Variants in PLCZ1 observed in about 807,000 individuals in gnomAD.
The protein encoded by PLCZ1 is 1-phosphatidylinositol 4,5-bisphosphate phosphodiesterase zeta-1.
A neutral mutation model predicts 76.8 loss-of-function variants in PLCZ1; 64 were observed. The observed-to-expected ratio is 0.83, with a 90% CI of 0.68 to 1.03. PLCZ1 has a LOEUF of 1.03. PLCZ1 is among the 50% of genes least tolerant of loss of function. The pLI, the probability that PLCZ1 is intolerant of heterozygous loss-of-function variation, is 0.00. For missense variants in PLCZ1, 751 were observed against 713.7 expected (o/e 1.05, Z -0.60); for synonymous variants, 248 against 230.8 (o/e 1.07, Z -0.68).
At chr12:18,723,645 A>G (rs965125070) in intron 3 of PLCZ1, 103 bp from the exon 4 acceptor site, 2 of 931,260 alleles carry the variant, frequency 2.1e-6, no homozygotes, top group Non-Finnish European at 3.3e-6. Context: ...ACTTGAAAGA[A>G]GATGAAAATT....
chr12:18,694,153 G>A, intron 12 of PLCZ1: 4 of 760,262 alleles, frequency 5.3e-6, no homozygotes, highest in East Asian at 2.6e-5. Flanking sequence ...GTCCCTGAAA[G>A]GGATGAGGCT....
At chr12:18,684,390 T>G (rs148441351) in intron 13 of PLCZ1, 111 bp from the exon 14 acceptor site, 194 of 1,025,420 alleles carry the variant, frequency 1.9e-4, no homozygotes, top group Non-Finnish European at 2.6e-4. Flanking sequence ...CAATAATATC[T>G]TGTGTTTAGA....
intron 5 of PLCZ1, among the ~76,000 whole-genome samples, chr12:18,718,298 C>T (rs1276031631): frequency 2.6e-5 from 4 of 152,172 alleles, no homozygotes; most frequent in Non-Finnish European, 5.9e-5. Context: ...ACCTGCACTG[C>T]TACACCATCT....
the PLCZ1 span, among the ~76,000 whole-genome samples, chr12:18,651,609 A>G: frequency 6.6e-6 from 1 of 152,012 alleles, no homozygotes; most frequent in Non-Finnish European, 1.5e-5. Context: ...ACTCAGAAAC[A>G]CCCAAAGCCC....
chr12:18,725,722 T>C (rs1958715133), intron 3 of PLCZ1, among the ~76,000 whole-genome samples: 1 of 152,172 alleles, frequency 6.6e-6, no homozygotes, highest in Non-Finnish European at 1.5e-5. Flanking sequence ...CTGAATTAGT[T>C]GCAGTACAGG....
At chr12:18,726,577 T>C (rs1958762304) in intron 3 of PLCZ1, among the ~76,000 whole-genome samples, 1 of 152,126 alleles carries the variant, frequency 6.6e-6, no homozygotes, top group South Asian at 2.1e-4. Context: ...TTCAAAATAA[T>C]TCTATTGATT....
intron 14 of PLCZ1, 51 bp downstream of exon 14, chr12:18,684,079 A>T (rs775478504): frequency 6.3e-7 from 1 of 1,593,254 alleles, no homozygotes; most frequent in Non-Finnish European, 8.6e-7. Flanking sequence ...TTTGATATAC[A>T]CAAGTTATAT....
At chr12:18,717,236 T>TA (rs1014491454) in intron 5 of PLCZ1, among the ~76,000 whole-genome samples, 3 of 152,084 alleles carry the variant, frequency 2.0e-5, no homozygotes, top group Admixed American at 2.0e-4. Flanking sequence ...TTTTCTCTCT[T>TA]AAAAAAATTA....
At chr12:18,655,941 G>A in the PLCZ1 span, among the ~76,000 whole-genome samples, 1 of 152,116 alleles carries the variant, frequency 6.6e-6, no homozygotes, top group Non-Finnish European at 1.5e-5. Flanking sequence ...TCCTGAAACG[G>A]AAAAACTAAG....
intron 13 of PLCZ1, among the ~76,000 whole-genome samples, chr12:18,687,372 C>A (rs887539577): frequency 6.6e-6 from 1 of 152,040 alleles, no homozygotes; most frequent in African/African-American, 2.4e-5. Context: ...TGAGAATATC[C>A]CTTGAAGAAG....
the PLCZ1 span, among the ~76,000 whole-genome samples, chr12:18,646,882 A>G: frequency 6.6e-6 from 1 of 152,096 alleles, no homozygotes; most frequent in African/African-American, 2.4e-5. Context: ...CCTGAACATT[A>G]TAAAAGGACA....
chr12:18,665,956 G>A, the PLCZ1 span, among the ~76,000 whole-genome samples: 2 of 149,930 alleles, frequency 1.3e-5, no homozygotes, highest in Admixed American at 6.7e-5. Context: ...AAAACTAGTT[G>A]GGCGTGGTGG....
chr12:18,663,947 A>G, the PLCZ1 span, among the ~76,000 whole-genome samples: 6 of 152,332 alleles, frequency 3.9e-5, no homozygotes, highest in East Asian at 1.2e-3. Flanking sequence ...GGACTTGAAT[A>G]GACATTTCTC....
At chr12:18,701,888 T>G (rs1488540374) in intron 7 of PLCZ1, 112 bp from the exon 8 acceptor site, 1 of 1,442,448 alleles carries the variant, frequency 6.9e-7, no homozygotes. Context: ...TAATAAGATA[T>G]GTAAGAACTC....
At chr12:18,682,737 G>A (rs115738395), downstream of PLCZ1, among the ~76,000 whole-genome samples, 352 of 152,032 alleles carry the variant, frequency 2.3e-3, 1 homozygote, top group African/African-American at 8.0e-3. Flanking sequence ...CAACTCCAGT[G>A]CACAGCATCT....
Position 18,699,887 on chromosome 12 carries a change from A to G in PLCZ1, c.1081T>C (p.Phe361Leu), listed in dbSNP as rs768491279. 6.2e-6 allele frequency: 10 copies of G among 1,612,826 alleles called. No individual in the cohort carries two copies. The African/African-American group carries it at 6.7e-5, about 11-fold the overall frequency. Reference protein sequence around the residue: ...DLVIYTKAEKFKSFQHSRLYQ... With the variant: ...DLVIYTKAEKLKSFQHSRLYQ... ...AATCTTGAATGTTGAAAGCTTTTGA[A>G]TTTCTCAGCTTTCGTATAAATGACA... Residue 361 changes from phenylalanine to leucine, a missense_variant, in exon 10 of 15, where the codon TTC becomes CTC. Coordinates refer to ENST00000266505, the MANE Select transcript of PLCZ1 (RefSeq NM_033123.4).
intron 9 of PLCZ1, among the ~76,000 whole-genome samples, chr12:18,701,005 C>G (rs1386425666): frequency 1.3e-5 from 2 of 148,420 alleles, no homozygotes; most frequent in African/African-American, 2.5e-5. Context: ...TTTTTTGAAA[C>G]AGGATCTCTC....
At chr12:18,710,110 A>G (rs1957110660) in intron 6 of PLCZ1, among the ~76,000 whole-genome samples, 1 of 150,526 alleles carries the variant, frequency 6.6e-6, no homozygotes, top group Admixed American at 6.7e-5. Context: ...AAATAAACAT[A>G]ATGTTGCTTC....
In PLCZ1 at chr12:18,684,267, C is replaced by T; in HGVS notation, c.1604G>A (p.Arg535Lys). ...AATAAATGTGAATGTTTCATTCCAT[C>T]TTGGACTAAAAGCTGAAATATAAAA... Reference protein sequence around the residue: ...RVIKKNAFSPRWNETFTFIIH... With the variant: ...RVIKKNAFSPKWNETFTFIIH... The change falls in exon 14 of 15, where the codon AGA becomes AAA. Residue 535 changes from arginine (R) to lysine (K), a missense_variant. Arg to Lys is a conservative substitution (Grantham distance 26, BLOSUM62 2). Coordinates refer to ENST00000266505, the MANE Select transcript of PLCZ1 (RefSeq NM_033123.4). 6.2e-7 allele frequency: 1 copy of T among 1,607,818 alleles called. No individual in the cohort carries two copies. Among genetic ancestry groups the T allele is most frequent in the Non-Finnish European group, 8.5e-7 (1 of 1,175,504 alleles).
Sources: gnomAD v4.1 joint callset for allele counts (sites outside exome capture counted in the v4.1 genomes callset) on GRCh38, gnomAD v4.1.1 for gene constraint, MANE v1.5 for transcripts, NCBI Gene and HGNC (gene_info 2026-07-23, HGNC 2026-07-21) for gene names.